Variants in ADAM22 observed in about 807,000 individuals in gnomAD.
The protein encoded by ADAM22 is disintegrin and metalloproteinase domain-containing protein 22.
ADAM22 carries 65 observed loss-of-function variants against 144.6 expected under a neutral mutation model. That is an observed-to-expected ratio of 0.45 (90% CI 0.37 to 0.55). The LOEUF is 0.55. Ranked by LOEUF, ADAM22 falls within the 20% of genes least tolerant of loss-of-function variation. The probability of loss-of-function intolerance (pLI) is 0.00; values close to 1 mark genes in which losing one functional copy is unlikely to be tolerated. For synonymous variants in ADAM22, 391 were observed against 412.6 expected (o/e 0.95, Z 0.63); for missense variants, 974 against 1,184.9 (o/e 0.82, Z 2.61).
intron 2 of ADAM22, among the ~76,000 whole-genome samples, chr7:87,964,344 T>C (rs1848602972): frequency 6.6e-6 from 1 of 152,212 alleles, no homozygotes; most frequent in Non-Finnish European, 1.5e-5. Context: ...TAATGGTATC[T>C]CTTAGGATTT....
At chr7:88,108,975 T>C (rs2129487889) in intron 5 of ADAM22, among the ~76,000 whole-genome samples, 1 of 152,296 alleles carries the variant, frequency 6.6e-6, no homozygotes, top group African/African-American at 2.4e-5. Context: ...GTGATTTGGG[T>C]TAACTTTGGT....
chr7:87,953,174 C>T (rs1251863069), intron 2 of ADAM22, among the ~76,000 whole-genome samples: 1 of 151,532 alleles, frequency 6.6e-6, no homozygotes, highest in East Asian at 1.9e-4. Flanking sequence ...TATTTCTTGC[C>T]TTCTGCTAGC....
At chr7:88,067,622 A>T (rs537285418) in intron 3 of ADAM22, among the ~76,000 whole-genome samples, 107 of 152,270 alleles carry the variant, frequency 7.0e-4, no homozygotes, top group African/African-American at 2.4e-3. Flanking sequence ...GCATTTTTTT[A>T]AAAAATCTGA....
chr7:87,952,661 T>A (rs1415229015), intron 2 of ADAM22, among the ~76,000 whole-genome samples: 1 of 152,078 alleles, frequency 6.6e-6, no homozygotes, highest in Non-Finnish European at 1.5e-5. Context: ...CCTCATAAAA[T>A]GAGTTAGGGA....
At position 88,155,620 on chromosome 7, in the gene ADAM22, T is replaced by G. The variant is rs1352550044; in HGVS notation, c.1788-267T>G. On this transcript the variant is annotated intron_variant, in intron 21 of 31. Coordinates refer to ENST00000413139, the MANE Select transcript of ADAM22 (RefSeq NM_001324418.2). ...GATTTCAATATAAAAGAAGCCAATT[T>G]GATGGATTCTTTAAATACTTGAACT... Among the ~76,000 whole-genome samples the G allele has an allele frequency of 2.0e-5, 3 of 152,024 alleles. No homozygotes were observed. In the East Asian group the frequency reaches 5.8e-4, roughly 29 times the overall value.
At chr7:88,158,823 A>C (rs892911713) in intron 22 of ADAM22, among the ~76,000 whole-genome samples, 5 of 152,136 alleles carry the variant, frequency 3.3e-5, no homozygotes, top group African/African-American at 1.2e-4. Context: ...TCTCAAATTA[A>C]CAATCTAACA....
intron 21 of ADAM22, among the ~76,000 whole-genome samples, chr7:88,154,781 CAT>C (rs1340861313): frequency 6.6e-6 from 1 of 151,996 alleles, no homozygotes; most frequent in Non-Finnish European, 1.5e-5. Context: ...AAAATGATAA[CAT>C]AATTTTAAAA....
At chr7:88,058,823 TG>T (rs1808982088) in intron 3 of ADAM22, among the ~76,000 whole-genome samples, 3 of 152,186 alleles carry the variant, frequency 2.0e-5, no homozygotes, top group African/African-American at 4.8e-5. Flanking sequence ...TTTTAATCAA[TG>T]GAATATAGAA....
At chr7:88,087,324 C>T (rs533206406) in intron 4 of ADAM22, among the ~76,000 whole-genome samples, 2 of 152,276 alleles carry the variant, frequency 1.3e-5, no homozygotes, top group South Asian at 4.1e-4. Flanking sequence ...TGGTGATCTA[C>T]ATCAAGACCC....
chr7:88,171,211 G>A (rs116528370), intron 25 of ADAM22, among the ~76,000 whole-genome samples: 113 of 152,028 alleles, frequency 7.4e-4, no homozygotes, highest in African/African-American at 2.5e-3. Context: ...TTAAGTCAAT[G>A]TATGTTTGAA....
At position 88,031,960 on chromosome 7, in the gene ADAM22, G is replaced by A. The variant is rs530168919; in HGVS notation, c.324-43666G>A. Among the ~76,000 whole-genome samples the A allele has an allele frequency of 6.6e-5, 10 of 152,340 alleles. No homozygotes were observed. In the East Asian group the frequency reaches 1.9e-3, roughly 29 times the overall value. On this transcript the variant is annotated intron_variant, in intron 3 of 31. Transcript: ENST00000413139. The stretch of plus-strand genomic sequence containing the variant: ...GCCTGTGGGTGCACAGAGAGCAAGA[G>A]TTGAGGCTTGGGTGCCTCTGCCTAG...
At chr7:88,131,205 T>C in intron 10 of ADAM22, 64 bp from the exon 11 acceptor site, 1 of 1,411,058 alleles carries the variant, frequency 7.1e-7, no homozygotes, top group Non-Finnish European at 9.8e-7. Flanking sequence ...TTTGTAGTCC[T>C]GTTCATAAAC....
chr7:88,096,091 A>G (rs1031557641), intron 4 of ADAM22, among the ~76,000 whole-genome samples: 6 of 151,778 alleles, frequency 4.0e-5, no homozygotes, highest in Non-Finnish European at 8.8e-5. Flanking sequence ...TAATTTTTTA[A>G]TTTTTACTTT....
intron 3 of ADAM22, among the ~76,000 whole-genome samples, chr7:88,051,272 T>C (rs1275082982): frequency 6.6e-6 from 1 of 152,194 alleles, no homozygotes; most frequent in Non-Finnish European, 1.5e-5. Flanking sequence ...TGCGGCACTA[T>C]TCACAATAGC....
At chr7:88,103,841 T>C (rs543871003) in intron 4 of ADAM22, among the ~76,000 whole-genome samples, 175 of 152,228 alleles carry the variant, frequency 1.1e-3, no homozygotes, top group Middle Eastern at 3.4e-3. Flanking sequence ...TTTGAGAAAG[T>C]TGGTTTGTTA....
At chr7:88,184,444 T>C (rs1847832503) in intron 29 of ADAM22, 1 of 344,410 alleles carries the variant, frequency 2.9e-6, no homozygotes, top group African/African-American at 2.2e-5. Context: ...TGCCACTTAA[T>C]CTCCTTACAA....
chr7:88,053,591 G>GGAAAGAAAGAAA (rs1214968746), intron 3 of ADAM22, among the ~76,000 whole-genome samples: 160 of 113,376 alleles, frequency 1.4e-3, no homozygotes, highest in Non-Finnish European at 1.9e-3. Context: ...AAGGAAGGAA[G>GGAAAGAAAGAAA]GAAAGAAAGA....
At chr7:87,962,587 C>G (rs1023009475) in intron 2 of ADAM22, among the ~76,000 whole-genome samples, 1 of 151,922 alleles carries the variant, frequency 6.6e-6, no homozygotes, top group African/African-American at 2.4e-5. Flanking sequence ...GAATAATATG[C>G]CTAACGTTTA....
chr7:87,996,655 AG>A (rs1791308882), intron 3 of ADAM22, among the ~76,000 whole-genome samples: 1 of 152,200 alleles, frequency 6.6e-6, no homozygotes, highest in African/African-American at 2.4e-5. Flanking sequence ...ATATAGAAAA[AG>A]GTTTACCCCA....
Sources: allele counts gnomAD v4.1 joint callset (sites outside exome capture counted in the v4.1 genomes callset), GRCh38; gene constraint gnomAD v4.1.1; transcripts MANE v1.5; gene names NCBI Gene and HGNC (gene_info 2026-07-23, HGNC 2026-07-21).